The following NLGN4Y variants were observed in gnomAD, a reference collection of about 807,000 sequenced individuals.
The protein encoded by NLGN4Y is neuroligin-4, Y-linked.
In NLGN4Y, 4 loss-of-function variants were observed where a neutral mutation model predicts 8.4. That is an observed-to-expected ratio of 0.48 (90% CI 0.23 to 1.09). NLGN4Y has a LOEUF of 1.09. Among genes scored for constraint, NLGN4Y ranks in the 50% least tolerant of loss-of-function variants. The probability of loss-of-function intolerance (pLI) is 0.19; values close to 1 mark genes in which losing one functional copy is unlikely to be tolerated. For missense variants in NLGN4Y, 90 were observed against 192.3 expected, an observed-to-expected ratio of 0.47 and a Z score of 3.15; for synonymous variants, 35 against 75.6, an observed-to-expected ratio of 0.46 and a Z score of 2.78.
chrY:14,825,723 C>T (rs2043143160), intron 5 of NLGN4Y, among the ~76,000 whole-genome samples: 1 of 32,080 alleles, frequency 3.1e-5, no homozygotes, highest in African/African-American at 1.2e-4. Context: ...ACATCCTCTA[C>T]TTGTCCCCGT....
intron 4 of NLGN4Y, among the ~76,000 whole-genome samples, chrY:14,819,561 G>C: frequency 1.5e-4 from 5 of 32,523 alleles, no homozygotes; most frequent in South Asian, 7.4e-4. Flanking sequence ...CCATAGCCTG[G>C]GGGTGTTTGT....
At chrY:14,621,657 A>G in intron 1 of NLGN4Y, among the ~76,000 whole-genome samples, 1 of 32,765 alleles carries the variant, frequency 3.1e-5, no homozygotes, top group South Asian at 7.0e-4. Context: ...AAAAATTCCA[A>G]TGAATTGCCC....
intron 4 of NLGN4Y, among the ~76,000 whole-genome samples, chrY:14,723,485 G>T (rs2080945688): frequency 9.2e-5 from 3 of 32,764 alleles, no homozygotes; most frequent in Admixed American, 8.3e-4. Context: ...TTTTCCTTTC[G>T]CTTCTGATCC....
chrY:14,587,225 T>C, intron 1 of NLGN4Y, among the ~76,000 whole-genome samples: 5 of 34,219 alleles, frequency 1.5e-4, no homozygotes, highest in Non-Finnish European at 2.9e-4. Flanking sequence ...AGTGACAGGA[T>C]ATCTATAATT....
chrY:14,829,177 G>A (rs1405756242), intron 5 of NLGN4Y, among the ~76,000 whole-genome samples: 2 of 33,742 alleles, frequency 5.9e-5, no homozygotes, highest in Non-Finnish European at 1.5e-4. Flanking sequence ...TTCCCAAACC[G>A]TAATATCTTC....
At chrY:14,643,951 AGATTGTGCTGT>A in intron 2 of NLGN4Y, among the ~76,000 whole-genome samples, 1 of 33,118 alleles carries the variant, frequency 3.0e-5, no homozygotes, top group East Asian at 8.1e-4. Context: ...CTTGTTTGTG[AGATTGTGCTGT>A]GAATGGGTTC....
At chrY:14,638,288 T>C (rs2080575385) in intron 2 of NLGN4Y, among the ~76,000 whole-genome samples, 1 of 33,306 alleles carries the variant, frequency 3.0e-5, no homozygotes, top group Non-Finnish European at 7.4e-5. Flanking sequence ...GGTTTTCTGT[T>C]CTTGTGTTAG....
intron 2 of NLGN4Y, among the ~76,000 whole-genome samples, chrY:14,637,434 A>G (rs2080568374): frequency 3.0e-5 from 1 of 33,759 alleles, no homozygotes; most frequent in Non-Finnish European, 7.3e-5. Flanking sequence ...ATTATGTGTT[A>G]TGAATACACC....
intron 1 of NLGN4Y, among the ~76,000 whole-genome samples, chrY:14,540,850 A>G (rs2080147247): frequency 5.9e-5 from 2 of 33,731 alleles, no homozygotes; most frequent in Admixed American, 2.7e-4. Context: ...ATGGAGAGAA[A>G]CCAGTGTAAA....
intron 2 of NLGN4Y, among the ~76,000 whole-genome samples, chrY:14,677,311 G>A (rs2080752281): frequency 3.0e-5 from 1 of 33,278 alleles, no homozygotes; most frequent in African/African-American, 1.2e-4. Flanking sequence ...TCTTAAAAAT[G>A]TATCATGGCA....
intron 2 of NLGN4Y, among the ~76,000 whole-genome samples, chrY:14,673,849 A>G (rs2080734381): frequency 3.0e-5 from 1 of 33,474 alleles, no homozygotes; most frequent in African/African-American, 1.2e-4. Flanking sequence ...CTATGCAGCC[A>G]TAAAAAATGA....
intron 2 of NLGN4Y, among the ~76,000 whole-genome samples, chrY:14,703,648 T>C: frequency 8.9e-5 from 3 of 33,589 alleles, no homozygotes; most frequent in Non-Finnish European, 2.2e-4. Context: ...ATGCAGGCTC[T>C]TTTTTGGTTC....
intron 5 of NLGN4Y, among the ~76,000 whole-genome samples, chrY:14,828,737 A>T (rs973194955): frequency 6.0e-5 from 2 of 33,495 alleles, no homozygotes; most frequent in Non-Finnish European, 1.5e-4. Context: ...TCAACACGGC[A>T]TCTGGACTTA....
At chrY:14,602,421 G>A (rs2080430032) in intron 1 of NLGN4Y, among the ~76,000 whole-genome samples, 1 of 33,164 alleles carries the variant, frequency 3.0e-5, no homozygotes, top group Non-Finnish European at 7.4e-5. Flanking sequence ...ATCAGTGTGA[G>A]TTTGCTTCCT....
intron 1 of NLGN4Y, among the ~76,000 whole-genome samples, chrY:14,586,399 A>G (rs2080341103): frequency 3.1e-5 from 1 of 32,548 alleles, no homozygotes; most frequent in Non-Finnish European, 7.5e-5. Context: ...GAAATTGGAA[A>G]CTCTAGCCAG....
intron 5 of NLGN4Y, among the ~76,000 whole-genome samples, chrY:14,826,931 T>TA (rs2043149828): frequency 6.1e-5 from 2 of 32,727 alleles, no homozygotes; most frequent in Non-Finnish European, 1.5e-4. Context: ...GAAATAAAAT[T>TA]AAAAAAATAC....
chrY:14,672,037 A>G (rs2080712626), intron 2 of NLGN4Y, among the ~76,000 whole-genome samples: 1 of 32,851 alleles, frequency 3.0e-5, no homozygotes, highest in Non-Finnish European at 7.4e-5. Context: ...GCTGTGGTTC[A>G]TTGTTACAGG....
chrY:14,600,082 C>T (rs377301040), intron 1 of NLGN4Y, among the ~76,000 whole-genome samples: 190 of 31,965 alleles, frequency 5.9e-3, no homozygotes, highest in African/African-American at 0.022. Context: ...TTGTCAATTT[C>T]TCTCTCTCTT....
chrY:14,684,298 G>A, intron 2 of NLGN4Y, among the ~76,000 whole-genome samples: 1 of 33,394 alleles, frequency 3.0e-5, no homozygotes, highest in African/African-American at 1.2e-4. Flanking sequence ...ATCACCCTGT[G>A]TCTTAGCCCA....
Sources: gnomAD v4.1 joint callset for allele counts (sites outside exome capture counted in the v4.1 genomes callset) on GRCh38, gnomAD v4.1.1 for gene constraint, MANE v1.5 for transcripts, NCBI Gene and HGNC (gene_info 2026-07-23, HGNC 2026-07-21) for gene names.